Variants in HCN1 observed in about 807,000 individuals in gnomAD.
The protein encoded by HCN1 is potassium/sodium hyperpolarization-activated cyclic nucleotide-gated channel 1.
In HCN1, 13 loss-of-function variants were observed where a neutral mutation model predicts 78.9. The observed-to-expected ratio is 0.16, with a 90% CI of 0.11 to 0.26. HCN1 has a LOEUF of 0.26. Among genes scored for constraint, HCN1 ranks in the 10% least tolerant of loss-of-function variants. The probability of loss-of-function intolerance (pLI) is 1.00; values close to 1 mark genes in which losing one functional copy is unlikely to be tolerated. For missense variants in HCN1, 810 were observed against 1,154.3 expected (o/e 0.70, Z 4.32); for synonymous variants, 552 against 455.5 (o/e 1.21, Z -2.70).
chr5:45,323,026 C>A (rs575400921), intron 5 of HCN1, among the ~76,000 whole-genome samples: 2 of 151,826 alleles, frequency 1.3e-5, no homozygotes, highest in South Asian at 2.1e-4. Flanking sequence ...TAACGTTAAC[C>A]CATTTAAGCT....
chr5:45,492,668 T>C (rs1741913474), intron 2 of HCN1, among the ~76,000 whole-genome samples: 1 of 151,500 alleles, frequency 6.6e-6, no homozygotes, highest in Non-Finnish European at 1.5e-5. Context: ...GCCTGGCTAA[T>C]ATTTTGTATT....
intron 2 of HCN1, among the ~76,000 whole-genome samples, chr5:45,497,783 G>C (rs1742078644): frequency 6.6e-6 from 1 of 152,134 alleles, no homozygotes. Context: ...CAGGCCTGGT[G>C]GTGACAAAAT....
At chr5:45,372,053 A>G (rs1195781261) in intron 4 of HCN1, among the ~76,000 whole-genome samples, 2 of 54,776 alleles carry the variant, frequency 3.7e-5, no homozygotes, top group East Asian at 8.3e-4. Context: ...TTATATATAT[A>G]ATATAATTAT....
At chr5:45,377,310 C>T (rs1747702956) in intron 4 of HCN1, among the ~76,000 whole-genome samples, 1 of 151,930 alleles carries the variant, frequency 6.6e-6, no homozygotes, top group Non-Finnish European at 1.5e-5. Flanking sequence ...AATAAAATTT[C>T]ACATTTGTCT....
At chr5:45,332,799 G>A (rs1386603445) in intron 5 of HCN1, among the ~76,000 whole-genome samples, 1 of 151,534 alleles carries the variant, frequency 6.6e-6, no homozygotes, top group Non-Finnish European at 1.5e-5. Flanking sequence ...TTCCATCCAC[G>A]TTGTTGCAAA....
intron 1 of HCN1, among the ~76,000 whole-genome samples, chr5:45,665,638 C>A (rs892815092): frequency 6.6e-6 from 1 of 151,860 alleles, no homozygotes; most frequent in African/African-American, 2.4e-5. Context: ...AAGAATGGAT[C>A]TTATAAATGC....
At chr5:45,441,336 A>G (rs372460679) in intron 3 of HCN1, among the ~76,000 whole-genome samples, 2 of 151,536 alleles carry the variant, frequency 1.3e-5, no homozygotes, top group African/African-American at 4.8e-5. Flanking sequence ...GAGACAGAAA[A>G]CATGAAAGGA....
At chr5:45,313,593 C>T (rs1745908100) in intron 5 of HCN1, among the ~76,000 whole-genome samples, 1 of 152,126 alleles carries the variant, frequency 6.6e-6, no homozygotes, top group Non-Finnish European at 1.5e-5. Flanking sequence ...AGTGCAAATC[C>T]ACCGCAAAGA....
intron 4 of HCN1, among the ~76,000 whole-genome samples, chr5:45,389,746 T>C (rs147203030): frequency 2.6e-5 from 4 of 152,292 alleles, no homozygotes; most frequent in Non-Finnish European, 1.5e-5. Flanking sequence ...CTTAATGGGC[T>C]CAAATTCCTG....
At chr5:45,396,312 G>C (rs183661473) in intron 4 of HCN1, among the ~76,000 whole-genome samples, 180 bp downstream of exon 4, 79 of 151,918 alleles carry the variant, frequency 5.2e-4, no homozygotes, top group Middle Eastern at 3.4e-3. Flanking sequence ...AGAAGCAAAA[G>C]ATATGAGAAC....
chr5:45,345,565 C>T (rs796738847), intron 5 of HCN1, among the ~76,000 whole-genome samples: 111 of 152,252 alleles, frequency 7.3e-4, no homozygotes, highest in African/African-American at 2.6e-3. Flanking sequence ...TTCAAAGTTC[C>T]ACAAAGATCT....
At chr5:45,386,012 G>A (rs185985907) in intron 4 of HCN1, among the ~76,000 whole-genome samples, 4 of 152,234 alleles carry the variant, frequency 2.6e-5, no homozygotes, top group Admixed American at 6.5e-5. Context: ...ACATTTTAGT[G>A]GAGCTGGACA....
chr5:45,518,803 A>G (rs1742564633), intron 2 of HCN1, among the ~76,000 whole-genome samples: 1 of 151,990 alleles, frequency 6.6e-6, no homozygotes, highest in African/African-American at 2.4e-5. Context: ...GCATATGGGG[A>G]CCAAAAAGTA....
intron 3 of HCN1, among the ~76,000 whole-genome samples, chr5:45,425,075 T>A (rs1161935800): frequency 6.6e-6 from 1 of 152,242 alleles, no homozygotes; most frequent in African/African-American, 2.4e-5. Flanking sequence ...ATATAATGCC[T>A]GGCACACTGT....
intron 2 of HCN1, among the ~76,000 whole-genome samples, chr5:45,532,574 T>C (rs1561191406): frequency 6.6e-6 from 1 of 152,168 alleles, no homozygotes; most frequent in Admixed American, 6.5e-5. Context: ...CTATCTATCA[T>C]CTCTTCTTGG....
intron 5 of HCN1, among the ~76,000 whole-genome samples, chr5:45,327,507 C>T (rs1456152645): frequency 6.6e-6 from 1 of 151,552 alleles, no homozygotes; most frequent in Admixed American, 6.6e-5. Context: ...AAGTCAGGTC[C>T]TAAAATCAGG....
chr5:45,297,935 A>G (rs1745532418), intron 6 of HCN1, among the ~76,000 whole-genome samples: 1 of 152,024 alleles, frequency 6.6e-6, no homozygotes, highest in African/African-American at 2.4e-5. Context: ...AAAAACTTTT[A>G]GAAAAGCTGT....
chr5:45,649,323 T>C (rs1359546415), intron 1 of HCN1, among the ~76,000 whole-genome samples: 1 of 152,008 alleles, frequency 6.6e-6, no homozygotes, highest in African/African-American at 2.4e-5. Context: ...ATTTCTTATA[T>C]ACCTCCTGCC....
chr5:45,448,188 T>A (rs1053955086), intron 3 of HCN1, among the ~76,000 whole-genome samples: 1 of 152,212 alleles, frequency 6.6e-6, no homozygotes, highest in Admixed American at 6.5e-5. Context: ...TTCATCATTT[T>A]AATTGCTTAT....
Sources: gnomAD v4.1 joint callset for allele counts (sites outside exome capture counted in the v4.1 genomes callset) on GRCh38, gnomAD v4.1.1 for gene constraint, MANE v1.5 for transcripts, NCBI Gene and HGNC (gene_info 2026-07-23, HGNC 2026-07-21) for gene names.